DOK6: variants seen among roughly 807,000 people sequenced by gnomAD.
DOK6 encodes downstream of tyrosine kinase 6.
Under a neutral mutation model 44.0 loss-of-function variants are expected in DOK6, and 22 were observed. The observed-to-expected ratio is 0.50, with a 90% confidence interval of 0.36 to 0.71. The LOEUF is 0.71. DOK6 is among the 30% of genes least tolerant of loss of function. The pLI is 0.00. For missense variants in DOK6, 340 were observed against 416.4 expected (o/e 0.82, Z 1.60); for synonymous variants, 166 against 145.5 (o/e 1.14, Z -1.01).
chr18:69,752,679 A>T (rs772530684), intron 6 of DOK6, among the ~76,000 whole-genome samples: 2 of 152,220 alleles, frequency 1.3e-5, no homozygotes, highest in Admixed American at 6.5e-5. Context: ...AGATGCTACC[A>T]GCCCTGCTTC....
At chr18:69,640,038 T>A (rs1378477924) in intron 3 of DOK6, among the ~76,000 whole-genome samples, 1 of 152,120 alleles carries the variant, frequency 6.6e-6, no homozygotes, top group East Asian at 1.9e-4. Context: ...TTTTAACCAG[T>A]TCCCCTGACT....
intron 4 of DOK6, among the ~76,000 whole-genome samples, chr18:69,693,939 G>A (rs1366195064): frequency 6.6e-6 from 1 of 151,272 alleles, no homozygotes; most frequent in Non-Finnish European, 1.5e-5. Flanking sequence ...GGCGCCTGTA[G>A]TCCCAGCTAC....
At chr18:69,569,809 A>G (rs1983071240) in intron 2 of DOK6, among the ~76,000 whole-genome samples, 1 of 152,206 alleles carries the variant, frequency 6.6e-6, no homozygotes, top group Non-Finnish European at 1.5e-5. Context: ...ACATGGAACC[A>G]ACCTAAGAAA....
At chr18:69,443,728 A>G (rs1221119993) in intron 1 of DOK6, among the ~76,000 whole-genome samples, 1 of 152,188 alleles carries the variant, frequency 6.6e-6, no homozygotes, top group Non-Finnish European at 1.5e-5. Flanking sequence ...ACAAGGAATT[A>G]CATGCCCTTG....
intron 7 of DOK6, among the ~76,000 whole-genome samples, chr18:69,833,990 T>G (rs1355308139): frequency 6.6e-6 from 1 of 152,120 alleles, no homozygotes; most frequent in Admixed American, 6.6e-5. Context: ...GAAAATAAAA[T>G]GGAGATTTCT....
At chr18:69,737,373 G>A (rs56884146) in intron 5 of DOK6, among the ~76,000 whole-genome samples, 2,981 of 152,160 alleles carry the variant, frequency 0.02, 88 homozygotes, top group African/African-American at 0.067. Context: ...CAGATCTCGC[G>A]AGAACTCGTT....
chr18:69,553,628 C>T (rs571681394), intron 1 of DOK6, among the ~76,000 whole-genome samples: 7 of 152,298 alleles, frequency 4.6e-5, no homozygotes, highest in South Asian at 2.1e-4. Context: ...GCCCCCAGCA[C>T]GGTGTCTCCC....
At chr18:69,744,412 T>G (rs1978910419) in intron 6 of DOK6, among the ~76,000 whole-genome samples, 2 of 152,076 alleles carry the variant, frequency 1.3e-5, no homozygotes, top group Admixed American at 1.3e-4. Context: ...GATTAGAGCT[T>G]TTGATTGCTG....
At chr18:69,739,894 T>G (rs1599298144) in intron 6 of DOK6, among the ~76,000 whole-genome samples, 1 of 152,200 alleles carries the variant, frequency 6.6e-6, no homozygotes, top group South Asian at 2.1e-4. Context: ...GTAAGTCTAT[T>G]GTAGTTTAAG....
At chr18:69,706,188 G>A (rs1986629652) in intron 5 of DOK6, among the ~76,000 whole-genome samples, 1 of 152,198 alleles carries the variant, frequency 6.6e-6, no homozygotes, top group African/African-American at 2.4e-5. Flanking sequence ...AGTTTTGCAA[G>A]TTGGAGAGAA....
chr18:69,645,345 A>C lies in DOK6; in HGVS notation c.290-32389A>C, dbSNP rs111258256. 6.5e-3 allele frequency among the ~76,000 whole-genome samples: 996 copies of C among 152,338 alleles called. 11 individuals carry two copies. Among genetic ancestry groups the C allele is most frequent in the African/African-American group, 0.021 (887 of 41,574 alleles). On this transcript the variant is annotated intron_variant, in intron 3 of 7. Transcript: ENST00000382713. The stretch of plus-strand genomic sequence containing the variant: ...CTCTAATTTCATTATTAGGAATATT[A>C]TATAAATAGAATCATGTGTCCTTTT...
At chr18:69,598,594 A>T (rs989603214) in intron 2 of DOK6, among the ~76,000 whole-genome samples, 2 of 152,144 alleles carry the variant, frequency 1.3e-5, no homozygotes, top group African/African-American at 4.8e-5. Flanking sequence ...AGCAGATTTT[A>T]AAAAATTAAC....
chr18:69,830,760 T>C (rs940756751), intron 7 of DOK6, among the ~76,000 whole-genome samples: 1 of 152,188 alleles, frequency 6.6e-6, no homozygotes, highest in Non-Finnish European at 1.5e-5. Flanking sequence ...ACATTACTTC[T>C]TCTCTGAAGC....
At chr18:69,513,515 C>T (rs545751480) in intron 1 of DOK6, among the ~76,000 whole-genome samples, 5 of 152,186 alleles carry the variant, frequency 3.3e-5, no homozygotes, top group African/African-American at 1.2e-4. Flanking sequence ...AAAAAGATAA[C>T]CCTTTGTTTT....
At chr18:69,812,189 C>A (rs1408479750) in intron 7 of DOK6, among the ~76,000 whole-genome samples, 3 of 152,014 alleles carry the variant, frequency 2.0e-5, no homozygotes, top group African/African-American at 7.2e-5. Flanking sequence ...GTCAGAGAGA[C>A]CCTCTCTGTA....
chr18:69,668,193 C>G (rs1985707362), intron 3 of DOK6, among the ~76,000 whole-genome samples: 1 of 152,152 alleles, frequency 6.6e-6, no homozygotes, highest in African/African-American at 2.4e-5. Flanking sequence ...CCATTCCCCA[C>G]TCCACTGCTA....
intron 1 of DOK6, among the ~76,000 whole-genome samples, chr18:69,509,551 T>C (rs1012093800): frequency 3.6e-5 from 5 of 139,204 alleles, no homozygotes; most frequent in Admixed American, 8.2e-5. Context: ...GGCAGGAGAA[T>C]GGCGTGAACC....
At chr18:69,824,053 TAA>T (rs1164627347) in intron 7 of DOK6, among the ~76,000 whole-genome samples, 39,402 of 151,222 alleles carry the variant, frequency 0.26, 5,089 homozygotes, top group Non-Finnish European at 0.27. Flanking sequence ...TCTTTTTTTT[TAA>T]AAATTATACT....
At chr18:69,719,432 G>T (rs1986956630) in intron 5 of DOK6, among the ~76,000 whole-genome samples, 1 of 152,186 alleles carries the variant, frequency 6.6e-6, no homozygotes, top group Non-Finnish European at 1.5e-5. Flanking sequence ...TTTTACAATA[G>T]TGATATTATC....
Sources: gnomAD v4.1 joint callset for allele counts (sites outside exome capture counted in the v4.1 genomes callset) on GRCh38, gnomAD v4.1.1 for gene constraint, MANE v1.5 for transcripts, NCBI Gene and HGNC (gene_info 2026-07-23, HGNC 2026-07-21) for gene names.